Variants in RNF144A observed in about 807,000 individuals in gnomAD.
RNF144A encodes ring finger protein 144A, also known as E3 ubiquitin-protein ligase RNF144A.
Under a neutral mutation model 38.7 loss-of-function variants are expected in RNF144A, and 11 were observed. That is an observed-to-expected ratio of 0.28 (90% CI 0.18 to 0.47). The LOEUF (loss-of-function observed/expected upper bound fraction) is 0.47, where lower values mean the gene tolerates loss of function less well. Among genes scored for constraint, RNF144A ranks in the 20% least tolerant of loss-of-function variants. The pLI is 0.99. For missense variants in RNF144A, 316 were observed against 377.2 expected (o/e 0.84, Z 1.34); for synonymous variants, 149 against 143.9 (o/e 1.04, Z -0.25).
downstream of RNF144A, among the ~76,000 whole-genome samples, chr2:7,045,957 T>C (rs1673293655): frequency 6.6e-6 from 1 of 152,226 alleles, no homozygotes; most frequent in Non-Finnish European, 1.5e-5. Context: ...TAAATCCATA[T>C]TTCTGTGTCT....
chr2:7,007,097 A>AT (rs1489337091), intron 3 of RNF144A, among the ~76,000 whole-genome samples: 2 of 151,664 alleles, frequency 1.3e-5, no homozygotes, highest in African/African-American at 4.9e-5. Flanking sequence ...TCCTCTCCCC[A>AT]TTTTGTGGAC....
At chr2:7,021,435 C>G (rs1046171112) in intron 6 of RNF144A, among the ~76,000 whole-genome samples, 1 of 152,126 alleles carries the variant, frequency 6.6e-6, no homozygotes, top group Non-Finnish European at 1.5e-5. Flanking sequence ...CGTGTGACCC[C>G]TGTGCCCTGT....
chr2:6,923,763 A>G (rs1055756452), intron 1 of RNF144A, among the ~76,000 whole-genome samples: 2 of 151,754 alleles, frequency 1.3e-5, no homozygotes, highest in African/African-American at 4.8e-5. Context: ...CCCAGGCACA[A>G]ATGTTTTCCC....
intron 8 of RNF144A, among the ~76,000 whole-genome samples, chr2:7,033,714 C>T (rs1672474495): frequency 6.6e-6 from 1 of 152,202 alleles, no homozygotes; most frequent in Non-Finnish European, 1.5e-5. Flanking sequence ...TGGACCCACC[C>T]CACTCTGGTC....
intron 2 of RNF144A, among the ~76,000 whole-genome samples, chr2:6,969,656 G>A (rs1467288840): frequency 6.6e-6 from 1 of 152,250 alleles, no homozygotes; most frequent in Non-Finnish European, 1.5e-5. Flanking sequence ...GAAACGTTGA[G>A]TGCTGACAAT....
At position 7,040,759 on chromosome 2, in the gene RNF144A, T is replaced by C. The variant is rs1672999003; in HGVS notation, c.*999T>C. 2.0e-6 allele frequency: 2 copies of C among 985,518 alleles called. No homozygotes were observed. Among genetic ancestry groups the C allele is most frequent in the Non-Finnish European group, 2.4e-6 (2 of 829,962 alleles). 61.0% of individuals were successfully genotyped at this position (985,518 alleles called of 1,614,324 possible). On this transcript the variant is annotated 3_prime_UTR_variant, in exon 9 of 9. Transcript: ENST00000320892. ...GGCCTCTTGGCAGAGGCTGGAGGAC[T>C]CTGGGGGCTAGGGAAGAGCCTGCCA...
At chr2:7,057,314 C>G (rs1185653714) in intron 6 of RNF144A, among the ~76,000 whole-genome samples, 1 of 152,190 alleles carries the variant, frequency 6.6e-6, no homozygotes, top group African/African-American at 2.4e-5. Context: ...CTTAGAGGCT[C>G]AATAAATACC....
intron 5 of RNF144A, among the ~76,000 whole-genome samples, chr2:7,018,180 A>T (rs1166376863): frequency 1.3e-5 from 2 of 152,168 alleles, no homozygotes; most frequent in African/African-American, 4.8e-5. Context: ...AGAGGTGGGG[A>T]CAGCAGTGAG....
At chr2:7,013,339 T>C (rs1278094138) in intron 3 of RNF144A, among the ~76,000 whole-genome samples, 1 of 152,226 alleles carries the variant, frequency 6.6e-6, no homozygotes, top group Non-Finnish European at 1.5e-5. Context: ...TGAATTTCCA[T>C]TTAGACCCAT....
At chr2:6,995,912 T>C (rs564674397) in intron 2 of RNF144A, among the ~76,000 whole-genome samples, 1 of 152,164 alleles carries the variant, frequency 6.6e-6, no homozygotes, top group East Asian at 1.9e-4. Flanking sequence ...ACTTGCTGTG[T>C]GCGGCCGACC....
chr2:7,010,151 C>T (rs538022333), intron 3 of RNF144A, among the ~76,000 whole-genome samples: 4 of 152,260 alleles, frequency 2.6e-5, no homozygotes, highest in African/African-American at 7.2e-5. Flanking sequence ...AAGCAATATT[C>T]CGGAGCACCG....
At position 7,014,717 on chromosome 2, in the gene RNF144A, G is replaced by A. The variant is rs1476691280; in HGVS notation, c.246G>A (p.Glu82=). 1 of 1,612,460 alleles carries A rather than the reference G, an allele frequency of 6.2e-7. No homozygotes were observed. Among genetic ancestry groups the A allele is most frequent in the Non-Finnish European group, 8.5e-7 (1 of 1,178,702 alleles). The part of the protein sequence containing the change: ...KQGHLQENEI[E]CMVAAEIMQR... ...TGCATTTTTTTTTCCCTTAGATTGAGTGCATGGTTGCAGCTGAAATTATGC... is the reference window on the plus strand; with the variant it reads ...TGCATTTTTTTTTCCCTTAGATTGAATGCATGGTTGCAGCTGAAATTATGC... Residue 82 remains glutamate, a synonymous_variant, in exon 5 of 9, where the codon GAG becomes GAA. Transcript: ENST00000320892.
rs1223433848 is a variant in RNF144A, at chr2:7,043,938, AGATTT to A, written c.*4185_*4189del. The A allele has an allele frequency of 1.1e-5, 11 of 985,732 alleles. No homozygotes were observed. In the East Asian group the frequency reaches 5.7e-4, roughly 51 times the overall value. The allele number at this position is 985,732 out of a possible 1,614,324, so 61.1% of individuals were successfully genotyped here. On this transcript the variant is annotated 3_prime_UTR_variant, in exon 9 of 9. Coordinates refer to ENST00000320892, the MANE Select transcript of RNF144A (RefSeq NM_014746.6). ...AGTGGTGGTGAAACAAAATCAAAAC[AGATTT>A]GATTTGTGTTTTTGAAATGTCAGTA...
At chr2:6,963,757 T>C (rs1667484733) in intron 2 of RNF144A, among the ~76,000 whole-genome samples, 1 of 152,226 alleles carries the variant, frequency 6.6e-6, no homozygotes, top group Non-Finnish European at 1.5e-5. Context: ...TCATGTGTCC[T>C]TGGTGTGCAG....
the RNF144A span, among the ~76,000 whole-genome samples, chr2:7,075,290 C>CG: frequency 1.3e-5 from 2 of 151,684 alleles, no homozygotes; most frequent in South Asian, 4.2e-4. Flanking sequence ...ATCCCCCCCC[C>CG]CACACAGTGT....
downstream of RNF144A, among the ~76,000 whole-genome samples, chr2:7,072,987 T>A (rs181278935): frequency 5.9e-5 from 9 of 152,316 alleles, no homozygotes; most frequent in South Asian, 1.0e-3. Flanking sequence ...CTTCCTGTCC[T>A]TGAACTTCAC....
chr2:6,989,487 A>G (rs1669193877), intron 2 of RNF144A, among the ~76,000 whole-genome samples: 1 of 152,154 alleles, frequency 6.6e-6, no homozygotes, highest in African/African-American at 2.4e-5. Context: ...GGTTCGGCCC[A>G]TTCCCGAAAT....
intron 2 of RNF144A, among the ~76,000 whole-genome samples, chr2:6,950,639 A>G (rs10189549): frequency 0.59 from 89,017 of 152,164 alleles, 30,644 homozygotes; most frequent in Non-Finnish European, 0.77. Context: ...AAGTGTGATC[A>G]TACTAATTCA....
chr2:6,968,793 G>A (rs1667825316), intron 2 of RNF144A, among the ~76,000 whole-genome samples: 1 of 152,158 alleles, frequency 6.6e-6, no homozygotes, highest in Admixed American at 6.5e-5. Context: ...CATTGCCAGT[G>A]TCTCTTGGCA....
Sources: allele counts gnomAD v4.1 joint callset (sites outside exome capture counted in the v4.1 genomes callset), GRCh38; gene constraint gnomAD v4.1.1; transcripts MANE v1.5; gene names NCBI Gene and HGNC (gene_info 2026-07-23, HGNC 2026-07-21).